Variants in CEP97 observed in about 807,000 individuals in gnomAD.
CEP97 encodes centrosomal protein of 97 kDa.
CEP97 carries 43 observed loss-of-function variants against 73.1 expected under a neutral mutation model. The ratio of observed to expected loss-of-function variants is 0.59; its 90% CI spans 0.46 to 0.76. CEP97 has a LOEUF of 0.76. CEP97 is among the 30% of genes least tolerant of loss of function. The pLI, the probability that CEP97 is intolerant of heterozygous loss-of-function variation, is 0.00. For missense variants in CEP97, 939 were observed against 1,014.0 expected, an observed-to-expected ratio of 0.93 and a Z score of 1.00; for synonymous variants, 337 against 370.0, an observed-to-expected ratio of 0.91 and a Z score of 1.02.
At chr3:101,737,628 A>G (rs1938319424) in intron 6 of CEP97, among the ~76,000 whole-genome samples, 1 of 152,222 alleles carries the variant, frequency 6.6e-6, no homozygotes, top group Non-Finnish European at 1.5e-5. Flanking sequence ...TCCTTTACAC[A>G]CAAGCAAAGG....
rs1939080656 is a variant in CEP97, at chr3:101,758,384, T to C, written c.1778T>C (p.Met593Thr). ...CGTTACGAAATCCGGCTACGCAGAA[T>C]GCAAGAGCACATTGTCTGCTTAACT... Reference protein sequence around the residue: ...DVRYEIRLRRMQEHIVCLTDE... With the variant: ...DVRYEIRLRRTQEHIVCLTDE... Residue 593 changes from methionine (M) to threonine (T), a missense_variant, in exon 9 of 11, where the codon ATG becomes ACG. Transcript: ENST00000341893. 2 of 1,614,180 alleles carry C rather than the reference T, an allele frequency of 1.2e-6. No individual in the cohort carries two copies. Among genetic ancestry groups the C allele is most frequent in the Non-Finnish European group, 1.7e-6 (2 of 1,180,030 alleles).
rs755022116 is a variant in CEP97 at position 101,757,672 on chromosome 3, A to G, written c.1066A>G (p.Ser356Gly). 2 of 1,614,098 alleles carry G rather than the reference A, an allele frequency of 1.2e-6. No homozygotes were observed. The highest frequency in any genetic ancestry group is 1.3e-5 in the African/African-American group (1 of 74,948). Residue 356 changes from serine (S) to glycine (G), a missense_variant, in exon 9 of 11, where the codon AGT becomes GGT. Ser to Gly is a moderately conservative substitution (Grantham distance 56). Transcript: ENST00000341893. ...IQVNSWVGIN[S>G]NDDQLFAVKN... is the part of the protein sequence containing the mutation. ...AGTGAATTCTTGGGTTGGGATAAAC[A>G]GTAATGATGATCAGTTATTTGCGGT... is the stretch of plus-strand genomic sequence containing the variant.
intron 6 of CEP97, among the ~76,000 whole-genome samples, chr3:101,733,304 G>T (rs946998816): frequency 6.6e-6 from 1 of 151,822 alleles, no homozygotes; most frequent in African/African-American, 2.4e-5. Flanking sequence ...TCTCACAAAA[G>T]CTTGTAATAT....
rs1939197338 is a variant in CEP97 at position 101,762,452 on chromosome 3, C to T, written c.1818-33C>T. ...GGAAGTCTGAGTCAAAGCACCCTTCCTTATGTCAATAATGTGTTTTGAATT... is the reference window on the plus strand; with the variant it reads ...GGAAGTCTGAGTCAAAGCACCCTTCTTTATGTCAATAATGTGTTTTGAATT... On this transcript the variant is annotated intron_variant, in intron 9 of 10. Transcript: ENST00000341893. 9.0e-6 allele frequency: 13 copies of T among 1,444,458 alleles called. No individual in the cohort carries two copies. The East Asian group carries it at 2.8e-4, about 31-fold the overall frequency. The allele number at this position is 1,444,458 out of a possible 1,614,324, so 89.5% of individuals were successfully genotyped here.
At chr3:101,755,750 A>AT (rs1403728817) in intron 7 of CEP97, among the ~76,000 whole-genome samples, 156 bp downstream of exon 7, 4 of 152,246 alleles carry the variant, frequency 2.6e-5, no homozygotes, top group African/African-American at 9.6e-5. Flanking sequence ...GGGAAGCTGA[A>AT]TCGTGCACTG....
At chr3:101,749,296 C>T (rs1381320328) in intron 6 of CEP97, among the ~76,000 whole-genome samples, 1 of 151,192 alleles carries the variant, frequency 6.6e-6, no homozygotes, top group African/African-American at 2.4e-5. Flanking sequence ...TTTCCAATTT[C>T]ATCCATGTCC....
intron 6 of CEP97, among the ~76,000 whole-genome samples, chr3:101,753,884 G>A (rs550461629): frequency 2.6e-5 from 4 of 152,160 alleles, no homozygotes; most frequent in African/African-American, 7.2e-5. Context: ...GCCCTGCTTC[G>A]GCTTGCGCAC....
At chr3:101,724,967 C>T (rs1407272588) in intron 1 of CEP97, among the ~76,000 whole-genome samples, 2 of 152,246 alleles carry the variant, frequency 1.3e-5, no homozygotes, top group African/African-American at 4.8e-5. Flanking sequence ...GCCCGGCGCC[C>T]TGGCTCCCGC....
chr3:101,730,231 T>TTTTTGTTTTGTTTTG (rs55873092), intron 4 of CEP97, among the ~76,000 whole-genome samples: 53 of 145,010 alleles, frequency 3.7e-4, no homozygotes, highest in African/African-American at 8.9e-4. Context: ...CGAGTCTGTT[T>TTTTTGTTTTGTTTTG]TTTTGTTTTG....
intron 1 of CEP97, among the ~76,000 whole-genome samples, chr3:101,725,931 G>A (rs894016474): frequency 1.3e-5 from 2 of 151,134 alleles, no homozygotes; most frequent in African/African-American, 2.4e-5. Flanking sequence ...TATAAGGCAG[G>A]TATTATCCCC....
chr3:101,726,203 G>A (rs1014000847), intron 1 of CEP97, among the ~76,000 whole-genome samples: 9 of 152,152 alleles, frequency 5.9e-5, no homozygotes, highest in Admixed American at 6.5e-5. Flanking sequence ...TCACAGTTTG[G>A]GCACTTTAGG....
At position 101,732,547 on chromosome 3, in the gene CEP97, T is replaced by C; in HGVS notation, c.621T>C (p.Cys207=). 1 of 1,613,654 alleles carries C rather than the reference T, an allele frequency of 6.2e-7. No individual in the cohort carries two copies. Among genetic ancestry groups the C allele is most frequent in the Non-Finnish European group, 8.5e-7 (1 of 1,179,568 alleles). Residue 207 remains cysteine, a synonymous_variant, in exon 6 of 11, where the codon TGT becomes TGC. Transcript: ENST00000341893. ...AGTTGTCGATTATGAACAATCCTTG[T>C]GTGATGGCAACACCATCCATCCCAG... is the stretch of plus-strand genomic sequence containing the variant. ...LEQLSIMNNP[C]VMATPSIPGF...
chr3:101,748,445 A>G (rs1190952031), intron 6 of CEP97, among the ~76,000 whole-genome samples: 1 of 152,098 alleles, frequency 6.6e-6, no homozygotes, highest in African/African-American at 2.4e-5. Context: ...TTCCCAAAGT[A>G]CAGATCATCT....
intron 1 of CEP97, 81 bp from the exon 2 acceptor site, chr3:101,726,513 T>G (rs1382579364): frequency 9.6e-7 from 1 of 1,037,472 alleles, no homozygotes; most frequent in East Asian, 2.7e-5. Context: ...GTATAGAGAT[T>G]TTATAATTCC....
intron 6 of CEP97, among the ~76,000 whole-genome samples, chr3:101,741,215 T>C (rs1322809259): frequency 6.6e-6 from 1 of 152,240 alleles, no homozygotes; most frequent in African/African-American, 2.4e-5. Flanking sequence ...GCTAGCCATA[T>C]GCAGAAAACT....
intron 4 of CEP97, among the ~76,000 whole-genome samples, chr3:101,730,086 G>A (rs143818196): frequency 4.1e-4 from 63 of 151,830 alleles, no homozygotes; most frequent in Admixed American, 7.2e-4. Flanking sequence ...GATTACAAGC[G>A]TGAGCCACTG....
rs775245993 is a variant in CEP97 at position 101,732,548 on chromosome 3, G to A, written c.622G>A (p.Val208Met). 5 of 1,613,640 alleles carry A rather than the reference G, an allele frequency of 3.1e-6. No individual in the cohort carries two copies. The highest frequency in any genetic ancestry group is 4.2e-6 in the Non-Finnish European group (5 of 1,179,550). ...GTTGTCGATTATGAACAATCCTTGTGTGATGGCAACACCATCCATCCCAGG... is the reference window on the plus strand; with the variant it reads ...GTTGTCGATTATGAACAATCCTTGTATGATGGCAACACCATCCATCCCAGG... The part of the protein sequence containing the change: ...EQLSIMNNPC[V>M]MATPSIPGFD... The change falls in exon 6 of 11, where the codon GTG becomes ATG. Residue 208 changes from valine to methionine, a missense_variant. By Grantham distance (21) the Val-to-Met change is conservative. Coordinates refer to ENST00000341893, the MANE Select transcript of CEP97 (RefSeq NM_024548.4).
rs749264814 is a variant in CEP97 at position 101,758,500 on chromosome 3, G to C, written c.1817+77G>C. The C allele has an allele frequency of 2.0e-6, 3 of 1,518,994 alleles. No individual in the cohort carries two copies. In the African/African-American group the frequency reaches 4.1e-5, roughly 21 times the overall value. 94.1% of individuals were successfully genotyped at this position (1,518,994 alleles called of 1,614,324 possible). A position where few individuals can be genotyped will look rare whatever the true frequency, so the allele number is the denominator to read the frequency against. On this transcript the variant is annotated intron_variant, in intron 9 of 10. Transcript: ENST00000341893. ...ATTCTTATAGTTGATTCAGAACACTGTGCTTCTGTGATTATAACACTTTTC... is the reference window on the plus strand; with the variant it reads ...ATTCTTATAGTTGATTCAGAACACTCTGCTTCTGTGATTATAACACTTTTC...
chr3:101,752,890 A>C (rs1326747160), intron 6 of CEP97, among the ~76,000 whole-genome samples: 1 of 152,136 alleles, frequency 6.6e-6, no homozygotes, highest in Non-Finnish European at 1.5e-5. Flanking sequence ...TTCTTCTCTC[A>C]GCTCGTCAAA....
Sources: allele counts gnomAD v4.1 joint callset (sites outside exome capture counted in the v4.1 genomes callset), GRCh38; gene constraint gnomAD v4.1.1; transcripts MANE v1.5; gene names NCBI Gene and HGNC (gene_info 2026-07-23, HGNC 2026-07-21).